The following UBE2E2 variants were observed in gnomAD, a reference collection of about 807,000 sequenced individuals.
The protein encoded by UBE2E2 is ubiquitin-conjugating enzyme E2 E2.
In UBE2E2, 6 loss-of-function variants were observed where a neutral mutation model predicts 24.7. The ratio of observed to expected loss-of-function variants is 0.24; its 90% confidence interval spans 0.13 to 0.48. The LOEUF (loss-of-function observed/expected upper bound fraction) is 0.48. Ranked by LOEUF, UBE2E2 falls within the 20% of genes least tolerant of loss-of-function variation. The pLI is 0.99. For synonymous variants in UBE2E2, 104 were observed against 83.6 expected, an observed-to-expected ratio of 1.24 and a Z score of -1.33; for missense variants, 169 against 245.0, an observed-to-expected ratio of 0.69 and a Z score of 2.07.
At chr3:23,243,443 T>A (rs1222455561) in intron 3 of UBE2E2, among the ~76,000 whole-genome samples, 1 of 152,210 alleles carries the variant, frequency 6.6e-6, no homozygotes, top group Non-Finnish European at 1.5e-5. Context: ...CTGGGCCCTT[T>A]ACCCTACATT....
intron 3 of UBE2E2, among the ~76,000 whole-genome samples, chr3:23,448,922 T>A (rs1409389547): frequency 6.6e-6 from 1 of 152,222 alleles, no homozygotes; most frequent in Non-Finnish European, 1.5e-5. Context: ...TCTGTTTACT[T>A]CTTCTGTCTC....
chr3:23,317,064 C>T (rs540674935), intron 3 of UBE2E2, among the ~76,000 whole-genome samples: 29 of 152,266 alleles, frequency 1.9e-4, no homozygotes, highest in Middle Eastern at 3.4e-3. Flanking sequence ...GCTGTGCTGC[C>T]TGGAGTTGGG....
intron 3 of UBE2E2, among the ~76,000 whole-genome samples, chr3:23,375,417 C>T (rs1696496601): frequency 1.3e-5 from 2 of 152,238 alleles, no homozygotes; most frequent in African/African-American, 4.8e-5. Flanking sequence ...ACTCTCAGTT[C>T]AGGCACTATA....
At chr3:23,543,313 A>G (rs1695438146) in intron 5 of UBE2E2, among the ~76,000 whole-genome samples, 1 of 152,180 alleles carries the variant, frequency 6.6e-6, no homozygotes, top group Non-Finnish European at 1.5e-5. Context: ...AGAAAACCCT[A>G]AAGACTCCTC....
rs141840276 is a variant in UBE2E2, at chr3:23,358,979, T to C, written c.228-140629T>C. On this transcript the variant is annotated intron_variant, in intron 3 of 5. Coordinates refer to ENST00000396703, the MANE Select transcript of UBE2E2 (RefSeq NM_152653.4). ...TAGAAGCAAAATTTGAATCCACATG[T>C]ATGTTCTTTTCATTATACTGTTTTT... 3.2e-3 allele frequency among the ~76,000 whole-genome samples: 495 copies of C among 152,328 alleles called. 3 individuals carry two copies. Among genetic ancestry groups the C allele is most frequent in the African/African-American group, 0.012 (479 of 41,574 alleles).
chr3:23,344,566 G>A (rs1014934154), intron 3 of UBE2E2, among the ~76,000 whole-genome samples: 2 of 152,004 alleles, frequency 1.3e-5, no homozygotes, highest in Middle Eastern at 3.4e-3. Flanking sequence ...AGAAATGAGT[G>A]AATGAATGAA....
intron 3 of UBE2E2, among the ~76,000 whole-genome samples, chr3:23,221,968 A>ATT (rs1489454818): frequency 2.0e-5 from 3 of 152,216 alleles, no homozygotes; most frequent in Non-Finnish European, 4.4e-5. Context: ...GTGAATATAC[A>ATT]TTTATATATT....
chr3:23,416,633 T>A (rs900164145), intron 3 of UBE2E2, among the ~76,000 whole-genome samples: 3 of 152,222 alleles, frequency 2.0e-5, no homozygotes, highest in Admixed American at 2.0e-4. Flanking sequence ...CTGGATAATA[T>A]CCTGCAGTGT....
At chr3:23,530,622 C>T (rs746972298) in intron 4 of UBE2E2, among the ~76,000 whole-genome samples, 1 of 152,198 alleles carries the variant, frequency 6.6e-6, no homozygotes, top group Non-Finnish European at 1.5e-5. Context: ...CATTTCTCTT[C>T]TCATTCTAGA....
At chr3:23,288,573 T>A (rs576935160) in intron 3 of UBE2E2, among the ~76,000 whole-genome samples, 146 of 152,226 alleles carry the variant, frequency 9.6e-4, no homozygotes, top group Non-Finnish European at 2.0e-3. Flanking sequence ...CAACAATATT[T>A]GCTGTATATA....
chr3:23,437,510 G>A (rs983522300), intron 3 of UBE2E2, among the ~76,000 whole-genome samples: 4 of 152,176 alleles, frequency 2.6e-5, no homozygotes, highest in African/African-American at 9.7e-5. Context: ...CTGGCATATA[G>A]TGATTGCTCA....
intron 3 of UBE2E2, among the ~76,000 whole-genome samples, chr3:23,392,686 A>G (rs1206106196): frequency 6.6e-6 from 1 of 152,232 alleles, no homozygotes; most frequent in Non-Finnish European, 1.5e-5. Context: ...GTTTTAGAGC[A>G]GAATATTGCC....
chr3:23,571,662 T>C (rs1322739281), intron 5 of UBE2E2, among the ~76,000 whole-genome samples: 13 of 152,098 alleles, frequency 8.5e-5, no homozygotes, highest in Non-Finnish European at 5.9e-5. Context: ...ACTTCCTCTC[T>C]CTACTCAGCT....
intron 3 of UBE2E2, among the ~76,000 whole-genome samples, chr3:23,382,680 G>A (rs1696705959): frequency 6.6e-6 from 1 of 152,100 alleles, no homozygotes; most frequent in Non-Finnish European, 1.5e-5. Flanking sequence ...AAAAATCACA[G>A]CTTTGCTTGT....
At chr3:23,266,958 G>A (rs1324662496) in intron 3 of UBE2E2, among the ~76,000 whole-genome samples, 4 of 151,978 alleles carry the variant, frequency 2.6e-5, no homozygotes, top group Non-Finnish European at 4.4e-5. Flanking sequence ...ATGACTACTG[G>A]GTACATAACG....
At chr3:23,503,388 G>A (rs1343202541) in intron 4 of UBE2E2, among the ~76,000 whole-genome samples, 5 of 151,284 alleles carry the variant, frequency 3.3e-5, no homozygotes, top group African/African-American at 9.7e-5. Context: ...ACAGGGTTTC[G>A]CCATGTTGGC....
At chr3:23,512,113 A>G (rs1382154225) in intron 4 of UBE2E2, among the ~76,000 whole-genome samples, 1 of 151,294 alleles carries the variant, frequency 6.6e-6, no homozygotes, top group Non-Finnish European at 1.5e-5. Context: ...TCACACCTGA[A>G]CCAACTGAGC....
intron 3 of UBE2E2, among the ~76,000 whole-genome samples, chr3:23,420,489 A>T (rs186353380): frequency 2.2e-4 from 33 of 152,338 alleles, no homozygotes; most frequent in Non-Finnish European, 7.4e-5. Flanking sequence ...GTTAGAAATG[A>T]AGCTTAAAGC....
At chr3:23,576,932 T>C (rs1696360587) in intron 5 of UBE2E2, among the ~76,000 whole-genome samples, 1 of 152,024 alleles carries the variant, frequency 6.6e-6, no homozygotes, top group Admixed American at 6.5e-5. Context: ...TTTTTTTTTT[T>C]TAACAAATTG....
Sources: allele counts gnomAD v4.1 joint callset (sites outside exome capture counted in the v4.1 genomes callset), GRCh38; gene constraint gnomAD v4.1.1; transcripts MANE v1.5; gene names NCBI Gene and HGNC (gene_info 2026-07-23, HGNC 2026-07-21).